The following DIPK1B variants were observed in gnomAD, a reference collection of about 807,000 sequenced individuals.
DIPK1B encodes family with sequence similarity 69 member B.
Under a neutral mutation model 20.7 loss-of-function variants are expected in DIPK1B, and 17 were observed. The ratio of observed to expected loss-of-function variants is 0.82; its 90% CI spans 0.56 to 1.23. DIPK1B has a LOEUF of 1.23. Ranked by LOEUF, DIPK1B falls within the 50% of genes most tolerant of loss-of-function variation. DIPK1B has a pLI of 0.00. For synonymous variants in DIPK1B, 343 were observed against 276.5 expected, an observed-to-expected ratio of 1.24 and a Z score of -2.39; for missense variants, 648 against 601.8, an observed-to-expected ratio of 1.08 and a Z score of -0.80.
intron 2 of DIPK1B, among the ~76,000 whole-genome samples, chr9:136,720,522 GC>G: frequency 6.6e-6 from 1 of 152,302 alleles, no homozygotes; most frequent in East Asian, 1.9e-4. Context: ...CTCCCGTGGG[GC>G]GCTGGGATTG....
At chr9:136,721,593 C>T (rs1588284854) in intron 2 of DIPK1B, 1 of 318,888 alleles carries the variant, frequency 3.1e-6, no homozygotes, top group South Asian at 3.7e-5. Context: ...CAGGTTCCTG[C>T]CTCTGGCCCT....
Position 136,723,029 on chromosome 9 carries a change from A to G in DIPK1B, c.551A>G (p.Asn184Ser), listed in dbSNP as rs755566325. 3.7e-6 allele frequency: 6 copies of G among 1,613,330 alleles called. No homozygotes were observed. Among genetic ancestry groups the G allele is most frequent in the East Asian group, 4.5e-5 (2 of 44,902 alleles). ...CAGGTCCTGCTCATGGCTGACTTCAACAAGGACAACCGGGTGTCCCTGGCG... is the reference window on the plus strand; with the variant it reads ...CAGGTCCTGCTCATGGCTGACTTCAGCAAGGACAACCGGGTGTCCCTGGCG... ...VGQVLLMADF[N>S]KDNRVSLAEA... Residue 184 changes from asparagine (N) to serine (S), a missense_variant, in exon 5 of 5, where the codon AAC (asparagine) becomes AGC (serine). Transcript: ENST00000371692.
Position 136,717,725 on chromosome 9 carries a change from G to A in DIPK1B, c.198+14G>A. On this transcript the variant is annotated intron_variant, in intron 2 of 4. Transcript: ENST00000371692. ...CAGGTGGTCATTGTAAGTGTTGCTTGTGCGGGCTGGGGACTGGGCCGTGCC... is the reference window on the plus strand; with the variant it reads ...CAGGTGGTCATTGTAAGTGTTGCTTATGCGGGCTGGGGACTGGGCCGTGCC... 1 of 1,610,558 alleles carries A rather than the reference G, an allele frequency of 6.2e-7. No individual in the cohort carries two copies.
chr9:136,723,912 T>G lies in DIPK1B; in HGVS notation c.*138T>G, dbSNP rs1019419761. 2.2e-6 allele frequency: 2 copies of G among 894,686 alleles called. No homozygotes were observed. The highest frequency in any genetic ancestry group is 3.3e-6 in the Non-Finnish European group (2 of 601,940). 55.4% of individuals were successfully genotyped at this position (894,686 alleles called of 1,614,324 possible). A position where few individuals can be genotyped will look rare whatever the true frequency, so the allele number is the denominator to read the frequency against. ...ACTCCCCTACCGTCAGGGCTCTGGA[T>G]TCCAGCACCACAGACATGAGACCCC... On this transcript the variant is annotated 3_prime_UTR_variant, in exon 5 of 5. Transcript: ENST00000371692.
intron 1 of DIPK1B, among the ~76,000 whole-genome samples, chr9:136,713,889 CCA>C: frequency 6.6e-6 from 1 of 152,298 alleles, no homozygotes; most frequent in East Asian, 1.9e-4. Context: ...GGCTCCTGGC[CCA>C]CGGTCTGAGC....
intron 1 of DIPK1B, among the ~76,000 whole-genome samples, chr9:136,717,245 T>A (rs576915046): frequency 3.8e-4 from 58 of 151,060 alleles, no homozygotes; most frequent in African/African-American, 1.2e-3. Context: ...AAAAAAAAAA[T>A]TTCATTCAGC....
rs1846655217 is a variant in DIPK1B, at chr9:136,723,594, G to T, written c.1116G>T (p.Leu372=). ...IQPNLAKVCA[L]LRGYLLPGAP... Reference sequence around the variant, plus strand: ...CCAACCTGGCCAAGGTGTGCGCACTGCTACGGGGCTACCTGCTGCCTGGCG... The same window carrying T: ...CCAACCTGGCCAAGGTGTGCGCACTTCTACGGGGCTACCTGCTGCCTGGCG... Residue 372 remains leucine (L), a synonymous_variant, in exon 5 of 5, where the codon CTG becomes CTT. Coordinates refer to ENST00000371692, the MANE Select transcript of DIPK1B (RefSeq NM_152421.4). 6.3e-7 allele frequency: 1 copy of T among 1,592,644 alleles called. No individual in the cohort carries two copies. The highest frequency in any genetic ancestry group is 1.8e-5 in the Admixed American group (1 of 57,066).
chr9:136,718,614 C>T (rs1176423727), intron 2 of DIPK1B, among the ~76,000 whole-genome samples: 2 of 152,288 alleles, frequency 1.3e-5, no homozygotes, highest in South Asian at 2.1e-4. Context: ...ACCAGGGTTC[C>T]GATGCCTCCA....
In DIPK1B at chr9:136,723,636, C is replaced by T. The variant is rs370410821; in HGVS notation, c.1158C>T (p.Arg386=). 7.0e-5 allele frequency: 110 copies of T among 1,572,818 alleles called. No homozygotes were observed. The highest frequency in any genetic ancestry group is 8.5e-5 in the Non-Finnish European group (99 of 1,161,362). ...TGCCTGGCGCGCCCGCCGACCTCCG[C>T]GAGGAGCTGGGCACACAGCTGCGCA... ...YLLPGAPADL[R]EELGTQLRTC... Residue 386 remains arginine (R), a synonymous_variant, in exon 5 of 5, where the codon CGC becomes CGT. Coordinates refer to ENST00000371692, the MANE Select transcript of DIPK1B (RefSeq NM_152421.4).
At position 136,723,534 on chromosome 9, in the gene DIPK1B, G is replaced by A; in HGVS notation, c.1056G>A (p.Arg352=). Residue 352 remains arginine (R), a synonymous_variant, in exon 5 of 5, where the codon AGG becomes AGA. Coordinates refer to ENST00000371692, the MANE Select transcript of DIPK1B (RefSeq NM_152421.4). ...GCGACTGCAGGGCCCCGTGTGACAG[G>A]CTCATGAGGCAGTGCAAGGGCGACC... is the stretch of plus-strand genomic sequence containing the variant. ...YGRDCRAPCD[R]LMRQCKGDLI... is the part of the protein sequence containing the mutation. 1.9e-6 allele frequency: 3 copies of A among 1,599,908 alleles called. No individual in the cohort carries two copies. In the South Asian group the frequency reaches 3.4e-5, roughly 18 times the overall value.
chr9:136,721,853 G>T, intron 2 of DIPK1B, 68 bp from the exon 3 acceptor site: 6 of 1,463,230 alleles, frequency 4.1e-6, no homozygotes, highest in Non-Finnish European at 5.7e-6. Flanking sequence ...CTTCGGGCCT[G>T]TGGGCAGGGG....
At chr9:136,713,592 C>A (rs1211633901) in intron 1 of DIPK1B, among the ~76,000 whole-genome samples, 1 of 152,230 alleles carries the variant, frequency 6.6e-6, no homozygotes, top group African/African-American at 2.4e-5. Context: ...GTGGTCCCGG[C>A]TCAGCCTTGG....
At chr9:136,714,064 G>C (rs893932728) in intron 1 of DIPK1B, among the ~76,000 whole-genome samples, 7 of 152,234 alleles carry the variant, frequency 4.6e-5, no homozygotes, top group African/African-American at 1.7e-4. Flanking sequence ...CCGTCCATCT[G>C]TGCCAGGCCC....
At position 136,712,696 on chromosome 9, in the gene DIPK1B, G is replaced by T; in HGVS notation, c.31G>T (p.Val11Leu). ...GCGGCTGCGGCGCCTGGCGCACCTG[G>T]TGCTCTTCTGCCCCTTCTCCAAGCG... is the stretch of plus-strand genomic sequence containing the variant. MRRLRRLAHL[V>L]LFCPFSKRLQ... Residue 11 changes from valine to leucine, a missense_variant, in exon 1 of 5, where the codon GTG (valine) becomes TTG (leucine). Physicochemically the swap from Val to Leu is conservative, Grantham distance 32. Coordinates refer to ENST00000371692, the MANE Select transcript of DIPK1B (RefSeq NM_152421.4). The surrounding 1 kb of genome is among the most constrained non-coding windows in gnomAD (Gnocchi z 5.6). 4 of 1,352,882 alleles carry T rather than the reference G, an allele frequency of 3.0e-6. No individual in the cohort carries two copies. Among genetic ancestry groups the T allele is most frequent in the Non-Finnish European group, 3.8e-6 (4 of 1,052,764 alleles). The allele number at this position is 1,352,882 out of a possible 1,614,324, so 83.8% of individuals were successfully genotyped here. A position where few individuals can be genotyped will look rare whatever the true frequency, so the allele number is the denominator to read the frequency against.
At chr9:136,714,462 C>T (rs922382859) in intron 1 of DIPK1B, among the ~76,000 whole-genome samples, 3 of 152,194 alleles carry the variant, frequency 2.0e-5, no homozygotes, top group Non-Finnish European at 2.9e-5. Context: ...CTGTCCCCAG[C>T]TGGGGTCAGC....
In DIPK1B at chr9:136,712,845, G is replaced by C; in HGVS notation, c.63+117G>C. 2 of 576,076 alleles carry C rather than the reference G, an allele frequency of 3.5e-6. No homozygotes were observed. Among genetic ancestry groups the C allele is most frequent in the Non-Finnish European group, 2.4e-6 (1 of 414,042 alleles). 35.7% of individuals were successfully genotyped at this position (576,076 alleles called of 1,614,324 possible). A position where few individuals can be genotyped will look rare whatever the true frequency, so the allele number is the denominator to read the frequency against. Reference sequence around the variant, plus strand: ...CCGGGTTCGGACACGAAGGGTTCATGAGCCCGGGGTGGGCAGCGGGGAGGG... The same window carrying C: ...CCGGGTTCGGACACGAAGGGTTCATCAGCCCGGGGTGGGCAGCGGGGAGGG... On this transcript the variant is annotated intron_variant, in intron 1 of 4. Coordinates refer to ENST00000371692, the MANE Select transcript of DIPK1B (RefSeq NM_152421.4). The surrounding 1 kb of genome is among the most constrained non-coding windows in gnomAD (Gnocchi z 5.6).
chr9:136,722,342 C>A, intron 4 of DIPK1B, 41 bp downstream of exon 4: 1 of 1,587,152 alleles, frequency 6.3e-7, no homozygotes, highest in East Asian at 2.3e-5. Context: ...GAGTCCACAC[C>A]ACGGTCATAT....
chr9:136,713,074 TG>T (rs1846449125), intron 1 of DIPK1B, among the ~76,000 whole-genome samples: 1 of 152,108 alleles, frequency 6.6e-6, no homozygotes, highest in Non-Finnish European at 1.5e-5. Flanking sequence ...GTAGAAAACT[TG>T]GGACGCACAG....
intron 2 of DIPK1B, among the ~76,000 whole-genome samples, chr9:136,718,130 GTCC>G (rs1436710920): frequency 3.6e-5 from 1 of 28,108 alleles, no homozygotes; most frequent in African/African-American, 9.2e-5. Context: ...GGCCTCACTG[GTCC>G]AGGATAGCGA....
Sources: gnomAD v4.1 joint callset for allele counts (sites outside exome capture counted in the v4.1 genomes callset) on GRCh38, gnomAD v4.1.1 for gene constraint, Gnocchi (gnomAD v3.1) non-coding constraint, MANE v1.5 for transcripts, NCBI Gene and HGNC (gene_info 2026-07-23, HGNC 2026-07-21) for gene names.